DAB1: variants seen among roughly 807,000 people sequenced by gnomAD.
DAB1 encodes the protein DAB adaptor protein 1.
A neutral mutation model predicts 64.6 loss-of-function variants in DAB1; 15 were observed. That is an observed-to-expected ratio of 0.23 (90% CI 0.16 to 0.36). DAB1 has a LOEUF of 0.36. DAB1 is among the 10% of genes least tolerant of loss of function. The probability of loss-of-function intolerance (pLI) is 1.00; values close to 1 mark genes in which losing one functional copy is unlikely to be tolerated. For synonymous variants in DAB1, 235 were observed against 251.9 expected (o/e 0.93, Z 0.64); for missense variants, 596 against 706.7 (o/e 0.84, Z 1.78).
upstream of DAB1, among the ~76,000 whole-genome samples, chr1:57,426,646 G>A (rs1176546355): frequency 6.6e-6 from 1 of 152,006 alleles, no homozygotes; most frequent in African/African-American, 2.4e-5. Flanking sequence ...TTCAGACACA[G>A]TTCTGATGCT....
At chr1:57,660,411 C>T (rs995730483) in intron 6 of DAB1, among the ~76,000 whole-genome samples, 2 of 152,310 alleles carry the variant, frequency 1.3e-5, no homozygotes, top group African/African-American at 4.8e-5. Flanking sequence ...ACAGGTTGCT[C>T]TCAGCCACCA....
rs1459141521 is a variant in DAB1 at position 58,522,287 on chromosome 1, C to A, written n.107+4974G>T. On this transcript the variant is annotated intron_variant and non_coding_transcript_variant, in intron 2 of 20. Transcript: ENST00000485760. Reference sequence around the variant, plus strand: ...GACACATATTTATTAATGTAACAAACCTGCACATCTGCACATGTACCCTGG... The same window carrying A: ...GACACATATTTATTAATGTAACAAAACTGCACATCTGCACATGTACCCTGG... 9.2e-5 allele frequency among the ~76,000 whole-genome samples: 14 copies of A among 152,098 alleles called. No homozygotes were observed. In the East Asian group the frequency reaches 2.7e-3, roughly 29 times the overall value.
At chr1:58,152,009 A>C (rs1397413560) in intron 4 of DAB1, among the ~76,000 whole-genome samples, 1 of 152,220 alleles carries the variant, frequency 6.6e-6, no homozygotes, top group Non-Finnish European at 1.5e-5. Context: ...GAAAAAGCAC[A>C]GAAATCAGGA....
intron 1 of DAB1, among the ~76,000 whole-genome samples, chr1:57,317,007 T>C (rs1675268150): frequency 6.6e-6 from 1 of 152,224 alleles, no homozygotes. Context: ...TGTCACTTGA[T>C]AAATTAGGTT....
At chr1:57,144,250 T>C (rs1658888602) in intron 3 of DAB1, among the ~76,000 whole-genome samples, 1 of 152,076 alleles carries the variant, frequency 6.6e-6, no homozygotes, top group African/African-American at 2.4e-5. Context: ...ACATATGATA[T>C]TTGTATACTT....
At chr1:57,512,566 C>T (rs1231640642) in intron 7 of DAB1, among the ~76,000 whole-genome samples, 1 of 152,164 alleles carries the variant, frequency 6.6e-6, no homozygotes, top group Non-Finnish European at 1.5e-5. Context: ...AATTAGGGAA[C>T]ACAGTACCAG....
chr1:58,361,598 AGGTTCGGGGACTTTG>A (rs1344179191), intron 3 of DAB1, among the ~76,000 whole-genome samples: 1 of 152,146 alleles, frequency 6.6e-6, no homozygotes, highest in Admixed American at 6.5e-5. Flanking sequence ...GTTAGTGTAT[AGGTTCGGGGACTTTG>A]CAGCCTTGCC....
intron 5 of DAB1, among the ~76,000 whole-genome samples, chr1:57,895,547 T>A (rs1409540261): frequency 3.3e-5 from 5 of 152,200 alleles, no homozygotes; most frequent in African/African-American, 1.2e-4. Context: ...ACAGCCCTGG[T>A]CCCTGCCCTC....
At chr1:57,918,591 G>A (rs1358202478) in intron 5 of DAB1, among the ~76,000 whole-genome samples, 3 of 152,254 alleles carry the variant, frequency 2.0e-5, no homozygotes, top group Admixed American at 6.5e-5. Context: ...TTGGGAGGCC[G>A]GGGCGGGCAG....
intron 5 of DAB1, among the ~76,000 whole-genome samples, chr1:57,937,810 G>A (rs1038567782): frequency 4.6e-5 from 7 of 152,192 alleles, no homozygotes; most frequent in Admixed American, 2.6e-4. Flanking sequence ...TGGAGGAGCT[G>A]ATGTCCTGGA....
At chr1:58,401,943 T>A (rs191780168) in intron 3 of DAB1, among the ~76,000 whole-genome samples, 116 of 152,336 alleles carry the variant, frequency 7.6e-4, no homozygotes, top group African/African-American at 2.7e-3. Context: ...TTTGCTGAAT[T>A]CCCTTATTTA....
chr1:57,970,739 G>A (rs1242424308), intron 5 of DAB1, among the ~76,000 whole-genome samples: 1 of 152,050 alleles, frequency 6.6e-6, no homozygotes, highest in East Asian at 1.9e-4. Context: ...TTAATCCATA[G>A]GAACTTTGAT....
At chr1:57,517,021 T>C (rs191357683) in intron 7 of DAB1, among the ~76,000 whole-genome samples, 1 of 152,310 alleles carries the variant, frequency 6.6e-6, no homozygotes, top group African/African-American at 2.4e-5. Context: ...GGGAAACAAA[T>C]ACAAGTTTGA....
intron 5 of DAB1, among the ~76,000 whole-genome samples, chr1:57,951,590 G>C (rs1645281058): frequency 6.6e-6 from 1 of 151,956 alleles, no homozygotes; most frequent in African/African-American, 2.4e-5. Flanking sequence ...TTGGGAAAGT[G>C]ACGTCACAGA....
intron 2 of DAB1, among the ~76,000 whole-genome samples, chr1:57,157,029 C>T (rs1307203500): frequency 6.6e-6 from 1 of 152,142 alleles, no homozygotes; most frequent in African/African-American, 2.4e-5. Flanking sequence ...AGGCAATTAG[C>T]ATTTTTTATG....
At chr1:57,312,876 G>A (rs939989519) in intron 1 of DAB1, among the ~76,000 whole-genome samples, 1 of 151,926 alleles carries the variant, frequency 6.6e-6, no homozygotes, top group Non-Finnish European at 1.5e-5. Context: ...GAGTTCCAGG[G>A]GGACGGTTCC....
chr1:57,365,669 G>A (rs1464899329), intron 1 of DAB1, among the ~76,000 whole-genome samples: 1 of 151,932 alleles, frequency 6.6e-6, no homozygotes, highest in East Asian at 1.9e-4. Flanking sequence ...AGGTCTCTCG[G>A]ACCACAAAAT....
chr1:57,577,822 G>A (rs1460725860), intron 7 of DAB1, among the ~76,000 whole-genome samples: 1 of 152,168 alleles, frequency 6.6e-6, no homozygotes, highest in African/African-American at 2.4e-5. Flanking sequence ...ATGCCATTTT[G>A]CATCCTCTTT....
chr1:57,826,764 C>T (rs1652368030), intron 1 of DAB1, among the ~76,000 whole-genome samples: 1 of 152,220 alleles, frequency 6.6e-6, no homozygotes, highest in Non-Finnish European at 1.5e-5. Context: ...ATGGCACTGA[C>T]TCAAGCTTTG....
Sources: gnomAD v4.1 joint callset for allele counts (sites outside exome capture counted in the v4.1 genomes callset) on GRCh38, gnomAD v4.1.1 for gene constraint, MANE v1.5 for transcripts, NCBI Gene and HGNC (gene_info 2026-07-23, HGNC 2026-07-21) for gene names.